The following YEATS2 variants were observed in gnomAD, a reference collection of about 807,000 sequenced individuals.
The protein encoded by YEATS2 is YEATS domain containing 2.
Under a neutral mutation model 163.2 loss-of-function variants are expected in YEATS2, and 77 were observed. The observed-to-expected ratio is 0.47, with a 90% CI of 0.39 to 0.57. YEATS2 has a LOEUF of 0.57. Ranked by LOEUF, YEATS2 falls within the 20% of genes least tolerant of loss-of-function variation. The probability of loss-of-function intolerance (pLI) is 0.00; values close to 1 mark genes in which losing one functional copy is unlikely to be tolerated. For synonymous variants in YEATS2, 631 were observed against 645.1 expected (o/e 0.98, Z 0.33); for missense variants, 1,549 against 1,729.8 (o/e 0.90, Z 1.85).
chr3:183,793,143 A>G (rs1724816309), intron 21 of YEATS2: 1 of 1,289,396 alleles, frequency 7.8e-7, no homozygotes, highest in Non-Finnish European at 1.0e-6. Flanking sequence ...TACGGCTGGC[A>G]CTGGTCTACC....
intron 15 of YEATS2, 25 bp downstream of exon 15, chr3:183,762,304 A>T (rs1177602726): frequency 6.5e-7 from 1 of 1,536,778 alleles, no homozygotes; most frequent in South Asian, 1.2e-5. Flanking sequence ...GAGATGGGAA[A>T]TTTCACATGT....
At chr3:183,704,875 C>T (rs890260709) in intron 1 of YEATS2, among the ~76,000 whole-genome samples, 3 of 152,142 alleles carry the variant, frequency 2.0e-5, no homozygotes, top group African/African-American at 7.2e-5. Context: ...GTGATCCACC[C>T]ACCTTGGACT....
chr3:183,746,955 G>A (rs750350530), intron 8 of YEATS2, among the ~76,000 whole-genome samples: 2 of 147,956 alleles, frequency 1.4e-5, no homozygotes, highest in Non-Finnish European at 3.0e-5. Flanking sequence ...TAATCTTATT[G>A]CATGTTTATA....
intron 13 of YEATS2, among the ~76,000 whole-genome samples, 154 bp from the exon 14 acceptor site, chr3:183,761,353 C>G (rs146071709): frequency 1.3e-5 from 2 of 152,192 alleles, no homozygotes; most frequent in Non-Finnish European, 2.9e-5. Context: ...TCCCAAAGTG[C>G]TGGGAGTACA....
chr3:183,789,525 ATTTTTTT>A (rs143473253), intron 20 of YEATS2, among the ~76,000 whole-genome samples: 2,849 of 66,152 alleles, frequency 0.043, 22 homozygotes, highest in Middle Eastern at 0.069. Flanking sequence ...ATTCGAGTTA[ATTTTTTT>A]TTTTTTTTTT....
chr3:183,756,467 ATCT>A (rs1043710888), intron 11 of YEATS2, 58 bp from the exon 12 acceptor site: 57 of 1,442,052 alleles, frequency 4.0e-5, no homozygotes, highest in African/African-American at 1.6e-4. Context: ...TGTCCTCGAC[ATCT>A]TCTTACGTGA....
intron 15 of YEATS2, among the ~76,000 whole-genome samples, chr3:183,770,617 A>C (rs1401181615): frequency 2.0e-4 from 31 of 152,144 alleles, no homozygotes; most frequent in Non-Finnish European, 1.0e-4. Context: ...GTTGAAGTCC[A>C]CTTTGTTCTT....
chr3:183,809,064 C>G (rs753498847), intron 29 of YEATS2, 33 bp from the exon 30 acceptor site: 7 of 1,610,258 alleles, frequency 4.3e-6, no homozygotes, highest in Non-Finnish European at 5.9e-6. Context: ...AAGCAGATGG[C>G]CATTTGAAGA....
chr3:183,769,237 T>TA (rs1397678389), intron 15 of YEATS2, among the ~76,000 whole-genome samples: 2 of 151,682 alleles, frequency 1.3e-5, no homozygotes, highest in Non-Finnish European at 2.9e-5. Flanking sequence ...TGGAATATTT[T>TA]AAAGTAGCAG....
At chr3:183,805,566 A>C (rs1240335878) in intron 27 of YEATS2, among the ~76,000 whole-genome samples, 1 of 151,922 alleles carries the variant, frequency 6.6e-6, no homozygotes, top group East Asian at 1.9e-4. Flanking sequence ...AGGCAGGAGG[A>C]TTGTTTGAGC....
In YEATS2 at chr3:183,740,686, C is replaced by T. The variant is rs564597385; in HGVS notation, c.924+3857C>T. 1.1e-4 allele frequency among the ~76,000 whole-genome samples: 17 copies of T among 152,312 alleles called. No individual in the cohort carries two copies. The South Asian group carries it at 2.7e-3, about 24-fold the overall frequency. ...GTTCGTGAGGTTTAAGGAAGGATGCCGTCTCCATAACATACAGTTGCAAGG... is the reference window on the plus strand; with the variant it reads ...GTTCGTGAGGTTTAAGGAAGGATGCTGTCTCCATAACATACAGTTGCAAGG... On this transcript the variant is annotated intron_variant, in intron 8 of 30. Transcript: ENST00000305135.
In YEATS2 at chr3:183,697,828, A is replaced by ACGCGCCGGGCGGGCTCCAC. The variant is rs1203048266; in HGVS notation, c.-177_-159dup. The ACGCGCCGGGCGGGCTCCAC allele has an allele frequency of 6.7e-6, 1 of 149,528 alleles. No homozygotes were observed. Among genetic ancestry groups the ACGCGCCGGGCGGGCTCCAC allele is most frequent in the Non-Finnish European group, 1.5e-5 (1 of 67,272 alleles). The allele number at this position is 149,528 out of a possible 1,614,324, so 9.3% of individuals were successfully genotyped here. ...CCCAGCTGCTGACGTGCGGGGCGGA[A>ACGCGCCGGGCGGGCTCCAC]CGCGCCGGGCGGGCTCCACCGCGCC... On this transcript the variant is annotated 5_prime_UTR_variant, in exon 1 of 31. Transcript: ENST00000305135.
intron 9 of YEATS2, among the ~76,000 whole-genome samples, chr3:183,748,796 T>C (rs1197691527): frequency 6.6e-6 from 1 of 151,958 alleles, no homozygotes; most frequent in Non-Finnish European, 1.5e-5. Context: ...GACAGTGTCT[T>C]ACTATGTTCA....
intron 11 of YEATS2, among the ~76,000 whole-genome samples, chr3:183,755,577 T>C (rs1185918459): frequency 2.6e-5 from 4 of 152,118 alleles, no homozygotes; most frequent in Admixed American, 6.6e-5. Flanking sequence ...TCAGTAACTT[T>C]TGAGAGTATT....
Position 183,800,584 on chromosome 3 carries a change from T to C in YEATS2, c.3428+16T>C, listed in dbSNP as rs1277166298. The C allele has an allele frequency of 6.2e-7, 1 of 1,605,826 alleles. No individual in the cohort carries two copies. Among genetic ancestry groups the C allele is most frequent in the Admixed American group, 1.7e-5 (1 of 59,780 alleles). On this transcript the variant is annotated intron_variant, in intron 24 of 30. Coordinates refer to ENST00000305135, the MANE Select transcript of YEATS2 (RefSeq NM_018023.5). Reference sequence around the variant, plus strand: ...ATGTCATTAAGTAATTCTTCCAATCTTTCCTAAAGGAATTCCGCTTCGGGT... The same window carrying C: ...ATGTCATTAAGTAATTCTTCCAATCCTTCCTAAAGGAATTCCGCTTCGGGT...
chr3:183,778,081 C>T (rs542522984), intron 19 of YEATS2, among the ~76,000 whole-genome samples: 1 of 134,690 alleles, frequency 7.4e-6, no homozygotes, highest in East Asian at 2.1e-4. Flanking sequence ...CATTGCACTC[C>T]ATCCTGGGCG....
intron 19 of YEATS2, 114 bp downstream of exon 19, chr3:183,777,814 A>G: frequency 7.2e-7 from 1 of 1,388,362 alleles, no homozygotes; most frequent in East Asian, 2.5e-5. Context: ...AAGAAAATGA[A>G]CAATAAGGCC....
At chr3:183,716,594 A>T (rs1190655404) in intron 2 of YEATS2, among the ~76,000 whole-genome samples, 1 of 152,198 alleles carries the variant, frequency 6.6e-6, no homozygotes, top group Non-Finnish European at 1.5e-5. Flanking sequence ...AAGCCAAATA[A>T]ATGTTAGAGT....
At chr3:183,741,706 C>A (rs1358720328) in intron 8 of YEATS2, among the ~76,000 whole-genome samples, 1 of 151,836 alleles carries the variant, frequency 6.6e-6, no homozygotes, top group Non-Finnish European at 1.5e-5. Flanking sequence ...CACTTGAACC[C>A]AGGAGGCGAA....
Sources: allele counts gnomAD v4.1 joint callset (sites outside exome capture counted in the v4.1 genomes callset), GRCh38; gene constraint gnomAD v4.1.1; transcripts MANE v1.5; gene names NCBI Gene and HGNC (gene_info 2026-07-23, HGNC 2026-07-21).